STAB2: variants seen among roughly 807,000 people sequenced by gnomAD.
The protein encoded by STAB2 is stabilin 2.
A neutral mutation model predicts 338.1 loss-of-function variants in STAB2; 288 were observed. The observed-to-expected ratio is 0.85, with a 90% confidence interval of 0.77 to 0.94. The LOEUF (loss-of-function observed/expected upper bound fraction) is 0.94, where lower values mean the gene tolerates loss of function less well. STAB2 is among the 40% of genes least tolerant of loss of function. STAB2 has a pLI of 0.00. For missense variants in STAB2, 3,141 were observed against 3,210.1 expected (o/e 0.98, Z 0.52); for synonymous variants, 1,202 against 1,193.3 (o/e 1.01, Z -0.15).
chr12:103,620,416 A>T, intron 3 of STAB2, 52 bp from the exon 4 acceptor site: 2 of 1,483,128 alleles, frequency 1.3e-6, no homozygotes, highest in Non-Finnish European at 1.8e-6. Flanking sequence ...ATCCTTGCAG[A>T]ATGCTTGTGT....
rs1408014228 is a variant in STAB2, at chr12:103,730,181, T to C, written c.5148T>C (p.Ile1716=). The change falls in exon 49 of 69, where the codon ATT becomes ATC. Residue 1716 remains isoleucine (I), a synonymous_variant. Coordinates refer to ENST00000388887, the MANE Select transcript of STAB2 (RefSeq NM_017564.10). ...ISSDIISTNG[I]VHIIDKLLSP... is the part of the protein sequence containing the mutation. ...GTGATATCATCAGTACTAATGGGAT[T>C]GTTCATATCATAGACAAATTGCTAT... The C allele has an allele frequency of 5.0e-6, 8 of 1,613,622 alleles. No homozygotes were observed. Among genetic ancestry groups the C allele is most frequent in the Non-Finnish European group, 5.9e-6 (7 of 1,179,782 alleles).
At chr12:103,765,870 G>A (rs1174686784) in intron 68 of STAB2, among the ~76,000 whole-genome samples, 1 of 152,090 alleles carries the variant, frequency 6.6e-6, no homozygotes, top group Non-Finnish European at 1.5e-5. Flanking sequence ...ACTCTCTCAG[G>A]CACTCAAGAG....
intron 50 of STAB2, 48 bp downstream of exon 50, chr12:103,731,683 G>A: frequency 6.4e-7 from 1 of 1,563,184 alleles, no homozygotes; most frequent in South Asian, 1.1e-5. Context: ...GCCTAAAGAA[G>A]TTTTGTTTTG....
chr12:103,731,177 C>A (rs1881610745), intron 49 of STAB2, among the ~76,000 whole-genome samples: 1 of 152,164 alleles, frequency 6.6e-6, no homozygotes, highest in Admixed American at 6.5e-5. Flanking sequence ...TCTGTGACTG[C>A]CACCTGTCTC....
intron 15 of STAB2, among the ~76,000 whole-genome samples, chr12:103,656,377 A>T (rs1187296817): frequency 6.6e-6 from 1 of 152,210 alleles, no homozygotes; most frequent in Admixed American, 6.5e-5. Context: ...AGGATGTCCC[A>T]GTCTTTTAGG....
chr12:103,647,419 T>C (rs868800324), intron 9 of STAB2, among the ~76,000 whole-genome samples: 1 of 152,230 alleles, frequency 6.6e-6, no homozygotes, highest in African/African-American at 2.4e-5. Flanking sequence ...AAAACTGTGA[T>C]GTAGTCACAG....
intron 33 of STAB2, among the ~76,000 whole-genome samples, chr12:103,697,484 C>T (rs1372286045): frequency 6.6e-6 from 1 of 152,248 alleles, no homozygotes; most frequent in Non-Finnish European, 1.5e-5. Flanking sequence ...GTCCTATAAT[C>T]ACCTTGGAGA....
In STAB2 at chr12:103,663,010, A is replaced by G. The variant is rs1426266682; in HGVS notation, c.2022+12A>G. The G allele has an allele frequency of 1.9e-6, 3 of 1,613,868 alleles. No homozygotes were observed. In the East Asian group the frequency reaches 6.7e-5, roughly 36 times the overall value. On this transcript the variant is annotated intron_variant, in intron 18 of 68. Coordinates refer to ENST00000388887, the MANE Select transcript of STAB2 (RefSeq NM_017564.10). The stretch of plus-strand genomic sequence containing the variant: ...GAGAGATGAAACTGGTAAGAAAACT[A>G]GGAAAATAAGTAAGGGCCCCAAACA...
chr12:103,629,220 A>C (rs1444571227), intron 5 of STAB2, among the ~76,000 whole-genome samples: 9 of 152,264 alleles, frequency 5.9e-5, no homozygotes, highest in Non-Finnish European at 1.2e-4. Flanking sequence ...ACGATGTCAC[A>C]GAATATCACC....
At chr12:103,607,820 TA>T (rs1178972381) in intron 3 of STAB2, among the ~76,000 whole-genome samples, 7 of 152,208 alleles carry the variant, frequency 4.6e-5, no homozygotes, top group African/African-American at 1.7e-4. Context: ...AAGTCTTTGC[TA>T]TTGTGAATAG....
At chr12:103,713,946 G>T (rs1880092633) in intron 42 of STAB2, among the ~76,000 whole-genome samples, 178 bp downstream of exon 42, 1 of 152,232 alleles carries the variant, frequency 6.6e-6, no homozygotes, top group Non-Finnish European at 1.5e-5. Flanking sequence ...GGCATGTCAT[G>T]TCCAAAAATT....
intron 6 of STAB2, among the ~76,000 whole-genome samples, chr12:103,632,687 T>TGCAGCAGCAGCAAAGGAACAC (rs1324369551): frequency 4.5e-4 from 69 of 152,288 alleles, no homozygotes; most frequent in African/African-American, 6.3e-4. Flanking sequence ...GAACAGACCC[T>TGCAGCAGCAGCAAAGGAACAC]GCAGCAGCAG....
At chr12:103,655,627 C>A (rs1314097597) in intron 15 of STAB2, 46 bp downstream of exon 15, 1 of 1,607,238 alleles carries the variant, frequency 6.2e-7, no homozygotes, top group Admixed American at 1.7e-5. Context: ...AGCAGCACTG[C>A]CTCAGTCTGT....
At chr12:103,727,929 G>A (rs1430936001) in intron 47 of STAB2, among the ~76,000 whole-genome samples, 2 of 152,132 alleles carry the variant, frequency 1.3e-5, no homozygotes, top group African/African-American at 4.8e-5. Context: ...AAGATCACAT[G>A]ACTAGCAGGG....
rs1884045384 is a variant in STAB2, at chr12:103,755,644, G to A, written c.6913G>A (p.Gly2305Arg). ...VNCTCKVGYV[G>R]DGFSCSGNLL... ...CTGCACCTGCAAGGTGGGCTATGTGGGAGATGGCTTCTCATGCAGTGGGAA... is the reference window on the plus strand; with the variant it reads ...CTGCACCTGCAAGGTGGGCTATGTGAGAGATGGCTTCTCATGCAGTGGGAA... Residue 2305 changes from glycine (G) to arginine (R), a missense_variant, in exon 63 of 69, where the codon GGA becomes AGA. By Grantham distance (125) the Gly-to-Arg change is moderately radical. Coordinates refer to ENST00000388887, the MANE Select transcript of STAB2 (RefSeq NM_017564.10). 3 of 1,614,136 alleles carry A rather than the reference G, an allele frequency of 1.9e-6. No homozygotes were observed. Among genetic ancestry groups the A allele is most frequent in the Non-Finnish European group, 2.5e-6 (3 of 1,180,022 alleles).
intron 34 of STAB2, 22 bp downstream of exon 34, chr12:103,699,249 C>A (rs938999932): frequency 3.8e-6 from 6 of 1,578,816 alleles, no homozygotes; most frequent in Non-Finnish European, 4.3e-6. Context: ...TTATGTAAAA[C>A]CCCAGCAATG....
chr12:103,641,623 C>T (rs1329247251), intron 9 of STAB2, among the ~76,000 whole-genome samples: 1 of 152,154 alleles, frequency 6.6e-6, no homozygotes, highest in Admixed American at 6.5e-5. Flanking sequence ...CTGGTGTATG[C>T]ATGTTTTACC....
chr12:103,665,241 C>A (rs1211873857), intron 18 of STAB2, among the ~76,000 whole-genome samples: 1 of 152,216 alleles, frequency 6.6e-6, no homozygotes, highest in Non-Finnish European at 1.5e-5. Context: ...GTAGAAGCAG[C>A]TGGTACCCTC....
chr12:103,685,958 T>G (rs1220077382), intron 27 of STAB2, among the ~76,000 whole-genome samples: 1 of 152,194 alleles, frequency 6.6e-6, no homozygotes, highest in East Asian at 1.9e-4. Flanking sequence ...ATCCACTCTC[T>G]GTCTTCATGA....
Sources: allele counts gnomAD v4.1 joint callset (sites outside exome capture counted in the v4.1 genomes callset), GRCh38; gene constraint gnomAD v4.1.1; transcripts MANE v1.5; gene names NCBI Gene and HGNC (gene_info 2026-07-23, HGNC 2026-07-21).